MACROD2: variants seen among roughly 807,000 people sequenced by gnomAD.
MACROD2 encodes mono-ADP ribosylhydrolase 2, also known as ADP-ribose glycohydrolase MACROD2.
A neutral mutation model predicts 70.4 loss-of-function variants in MACROD2; 36 were observed. The observed-to-expected ratio is 0.51, with a 90% CI of 0.39 to 0.68. The LOEUF (loss-of-function observed/expected upper bound fraction) is 0.68, where lower values mean the gene tolerates loss of function less well. Ranked by LOEUF, MACROD2 falls within the 30% of genes least tolerant of loss-of-function variation. The pLI is 0.00. For missense variants in MACROD2, 496 were observed against 538.4 expected (o/e 0.92, Z 0.78); for synonymous variants, 172 against 178.8 (o/e 0.96, Z 0.30).
At chr20:14,666,327 C>G (rs1480248918) in intron 4 of MACROD2, among the ~76,000 whole-genome samples, 1 of 152,078 alleles carries the variant, frequency 6.6e-6, no homozygotes, top group East Asian at 1.9e-4. Flanking sequence ...TACAAATAAT[C>G]AGTATTTTCT....
chr20:16,040,541 G>A (rs2067294194), intron 15 of MACROD2, among the ~76,000 whole-genome samples: 1 of 151,862 alleles, frequency 6.6e-6, no homozygotes, highest in South Asian at 2.1e-4. Flanking sequence ...TGAATACCTG[G>A]AAATGTTTTT....
chr20:15,292,738 G>T (rs78220462), intron 6 of MACROD2, among the ~76,000 whole-genome samples: 1 of 152,184 alleles, frequency 6.6e-6, no homozygotes, highest in African/African-American at 2.4e-5. Flanking sequence ...ATAAAGTATG[G>T]TAAGTAACTG....
At chr20:14,386,414 A>G (rs1329405931) in intron 3 of MACROD2, among the ~76,000 whole-genome samples, 1 of 152,208 alleles carries the variant, frequency 6.6e-6, no homozygotes, top group Non-Finnish European at 1.5e-5. Flanking sequence ...GTCCTCATGC[A>G]AATATCATTT....
At chr20:16,047,556 C>T (rs963468743) in intron 17 of MACROD2, among the ~76,000 whole-genome samples, 2 of 152,142 alleles carry the variant, frequency 1.3e-5, no homozygotes, top group Non-Finnish European at 1.5e-5. Flanking sequence ...TCTCGTAATG[C>T]TCGTTGCCTG....
intron 6 of MACROD2, among the ~76,000 whole-genome samples, chr20:15,246,758 CTT>C (rs927670548): frequency 9.9e-5 from 15 of 152,156 alleles, no homozygotes; most frequent in African/African-American, 3.6e-4. Flanking sequence ...TGCATATAAA[CTT>C]ATACACTAAT....
At chr20:14,288,849 C>T (rs555176155) in intron 3 of MACROD2, among the ~76,000 whole-genome samples, 104 of 152,282 alleles carry the variant, frequency 6.8e-4, no homozygotes, top group African/African-American at 2.4e-3. Flanking sequence ...GAAATCGTGG[C>T]AATACTTGTA....
intron 5 of MACROD2, among the ~76,000 whole-genome samples, chr20:14,714,351 G>A (rs779400426): frequency 3.3e-5 from 5 of 152,004 alleles, no homozygotes; most frequent in Non-Finnish European, 7.4e-5. Flanking sequence ...GCTGCACACA[G>A]TAGCCCCCAA....
intron 8 of MACROD2, among the ~76,000 whole-genome samples, chr20:15,846,569 A>G (rs371496784): frequency 6.6e-6 from 1 of 152,130 alleles, no homozygotes. Flanking sequence ...CATTTTTGGC[A>G]GAACAAAGGA....
intron 2 of MACROD2, among the ~76,000 whole-genome samples, chr20:14,055,352 G>A (rs553375843): frequency 1.3e-5 from 2 of 151,960 alleles, no homozygotes; most frequent in East Asian, 3.9e-4. Context: ...TTCCAAAAAT[G>A]CATTAATTAA....
At chr20:15,457,255 A>G (rs760589146) in intron 7 of MACROD2, among the ~76,000 whole-genome samples, 6 of 151,984 alleles carry the variant, frequency 3.9e-5, no homozygotes, top group Admixed American at 6.6e-5. Context: ...TCCTGCCTTG[A>G]CTATTCTGTA....
chr20:14,310,441 A>G (rs1346413545), intron 3 of MACROD2, among the ~76,000 whole-genome samples: 4 of 152,136 alleles, frequency 2.6e-5, no homozygotes, highest in Admixed American at 6.5e-5. Flanking sequence ...AAAAATTCCT[A>G]TGGCCGTCAT....
At chr20:15,169,362 A>G (rs2076407520) in intron 5 of MACROD2, among the ~76,000 whole-genome samples, 1 of 152,184 alleles carries the variant, frequency 6.6e-6, no homozygotes, top group Admixed American at 6.5e-5. Flanking sequence ...AAGGAAGTGC[A>G]ATACTTTTCA....
chr20:15,147,170 G>T (rs995024763), intron 5 of MACROD2, among the ~76,000 whole-genome samples: 2 of 152,144 alleles, frequency 1.3e-5, no homozygotes, highest in Non-Finnish European at 2.9e-5. Flanking sequence ...GCATATTCAA[G>T]ATGAACCAAA....
At chr20:14,372,839 A>T (rs1488228866) in intron 3 of MACROD2, among the ~76,000 whole-genome samples, 1 of 152,156 alleles carries the variant, frequency 6.6e-6, no homozygotes, top group Non-Finnish European at 1.5e-5. Context: ...ATGTGATCAA[A>T]AGATTTCATT....
At chr20:14,908,411 T>C (rs1043295291) in intron 5 of MACROD2, among the ~76,000 whole-genome samples, 33 of 151,960 alleles carry the variant, frequency 2.2e-4, no homozygotes, top group African/African-American at 7.7e-4. Flanking sequence ...TCCCAGCACT[T>C]TGGGAGGCCG....
At chr20:14,143,949 G>T (rs1204842841) in intron 3 of MACROD2, among the ~76,000 whole-genome samples, 1 of 152,054 alleles carries the variant, frequency 6.6e-6, no homozygotes, top group Non-Finnish European at 1.5e-5. Flanking sequence ...AATAATTAAG[G>T]TAATCAAGCC....
At chr20:15,295,676 A>G (rs967330239) in intron 6 of MACROD2, among the ~76,000 whole-genome samples, 2 of 152,146 alleles carry the variant, frequency 1.3e-5, no homozygotes, top group East Asian at 1.9e-4. Flanking sequence ...CATCACTTAT[A>G]AAGTACTTTA....
chr20:14,623,256 C>G (rs1373382570), intron 4 of MACROD2, among the ~76,000 whole-genome samples: 1 of 151,702 alleles, frequency 6.6e-6, no homozygotes, highest in Non-Finnish European at 1.5e-5. Context: ...ATAACATGGA[C>G]AAGAATATAC....
At chr20:15,609,904 G>T (rs2048944095) in intron 8 of MACROD2, among the ~76,000 whole-genome samples, 1 of 152,160 alleles carries the variant, frequency 6.6e-6, no homozygotes. Flanking sequence ...TCACAGGCAG[G>T]AAGTCCCAGA....
Sources: allele counts gnomAD v4.1 joint callset (sites outside exome capture counted in the v4.1 genomes callset), GRCh38; gene constraint gnomAD v4.1.1; transcripts MANE v1.5; gene names NCBI Gene and HGNC (gene_info 2026-07-23, HGNC 2026-07-21).